The following NCOA7 variants were observed in gnomAD, a reference collection of about 807,000 sequenced individuals.
The protein encoded by NCOA7 is nuclear receptor coactivator 7, also known as 140 kDa estrogen receptor-associated protein.
Under a neutral mutation model 104.3 loss-of-function variants are expected in NCOA7, and 45 were observed. That is an observed-to-expected ratio of 0.43 (90% CI 0.34 to 0.55). NCOA7 has a LOEUF of 0.55. Ranked by LOEUF, NCOA7 falls within the 20% of genes least tolerant of loss-of-function variation. The pLI is 0.02. For missense variants in NCOA7, 1,041 were observed against 1,119.7 expected (o/e 0.93, Z 1.00); for synonymous variants, 398 against 402.3 (o/e 0.99, Z 0.13).
At chr6:125,805,838 T>A (rs563579336) in intron 1 of NCOA7, among the ~76,000 whole-genome samples, 1 of 152,352 alleles carries the variant, frequency 6.6e-6, no homozygotes, top group African/African-American at 2.4e-5. Context: ...AACACTTGCA[T>A]ATTTGGATGC....
chr6:125,921,968 TA>T (rs1261323032), intron 12 of NCOA7, among the ~76,000 whole-genome samples: 5 of 152,308 alleles, frequency 3.3e-5, no homozygotes, highest in South Asian at 4.1e-4. Flanking sequence ...AGACCTTAAA[TA>T]ATCATTAAGT....
At chr6:125,914,811 T>C (rs1274030911) in intron 10 of NCOA7, among the ~76,000 whole-genome samples, 2 of 152,230 alleles carry the variant, frequency 1.3e-5, no homozygotes, top group African/African-American at 4.8e-5. Context: ...CATTCCTGCG[T>C]CAATAAAATT....
chr6:125,867,058 AT>A (rs1175179358), intron 3 of NCOA7, among the ~76,000 whole-genome samples: 2 of 152,178 alleles, frequency 1.3e-5, no homozygotes, highest in Non-Finnish European at 2.9e-5. Context: ...TCAGTTAAGC[AT>A]TTTAATTTTA....
intron 1 of NCOA7, among the ~76,000 whole-genome samples, chr6:125,814,684 G>T (rs372072841): frequency 6.6e-6 from 1 of 152,148 alleles, no homozygotes; most frequent in African/African-American, 2.4e-5. Context: ...GCTGGCAAGC[G>T]TGGGTGAGGG....
intron 10 of NCOA7, among the ~76,000 whole-genome samples, chr6:125,899,021 C>T (rs992595143): frequency 1.4e-4 from 22 of 152,030 alleles, no homozygotes; most frequent in African/African-American, 5.3e-4. Flanking sequence ...ATAGATCATA[C>T]ATATATAGTA....
At chr6:125,806,202 A>G (rs955202225) in intron 1 of NCOA7, among the ~76,000 whole-genome samples, 8 of 152,146 alleles carry the variant, frequency 5.3e-5, no homozygotes, top group African/African-American at 1.9e-4. Context: ...TTAGCTGGGC[A>G]TGGTGGCAGG....
chr6:125,805,087 C>CTTTTTTGTTTT (rs1776310799), intron 1 of NCOA7, among the ~76,000 whole-genome samples: 1 of 58,050 alleles, frequency 1.7e-5, no homozygotes, highest in Non-Finnish European at 3.4e-5. Context: ...CCCTCTTGTT[C>CTTTTTTGTTTT]TTTTTTTTTT....
rs1788428164 is a variant in NCOA7 at position 125,930,870 on chromosome 6, A to G, written c.*2099A>G. 2.0e-5 allele frequency: 3 copies of G among 152,610 alleles called. No individual in the cohort carries two copies. In the South Asian group the frequency reaches 6.2e-4, roughly 32 times the overall value. 9.5% of individuals were successfully genotyped at this position (152,610 alleles called of 1,614,324 possible). ...TGATATCACGTTTACCATTTACACCATCTGCAACCATATGCTATTAATAAA... is the reference window on the plus strand; with the variant it reads ...TGATATCACGTTTACCATTTACACCGTCTGCAACCATATGCTATTAATAAA... On this transcript the variant is annotated 3_prime_UTR_variant, in exon 16 of 16. Coordinates refer to ENST00000392477, the MANE Select transcript of NCOA7 (RefSeq NM_181782.5).
At chr6:125,883,908 G>A (rs1020541327) in intron 7 of NCOA7, among the ~76,000 whole-genome samples, 3 of 151,752 alleles carry the variant, frequency 2.0e-5, no homozygotes, top group Admixed American at 6.6e-5. Context: ...TAGTAGAGAC[G>A]GGGTTTCACC....
chr6:125,914,491 T>C (rs968565229), intron 10 of NCOA7, among the ~76,000 whole-genome samples: 7 of 152,188 alleles, frequency 4.6e-5, no homozygotes, highest in Non-Finnish European at 1.0e-4. Context: ...TTAATATTAT[T>C]GCAATTTTAT....
chr6:125,911,762 G>A (rs561669242), intron 10 of NCOA7, among the ~76,000 whole-genome samples: 43 of 152,240 alleles, frequency 2.8e-4, no homozygotes, highest in Non-Finnish European at 5.7e-4. Context: ...TTCCATCTTC[G>A]CAATCAGATT....
Position 125,899,794 on chromosome 6 carries a change from C to T in NCOA7, c.2096+8984C>T, listed in dbSNP as rs1027384037. ...CCAAAAACACCCTCTTAGGCAACCA[C>T]CCCCCAGTAACTTCAGTAACCAGCT... On this transcript the variant is annotated intron_variant, in intron 10 of 15. Transcript: ENST00000392477. 3.6e-5 allele frequency: 8 copies of T among 223,650 alleles called. No homozygotes were observed. The East Asian group carries it at 7.8e-4, about 22-fold the overall frequency. The allele number at this position is 223,650 out of a possible 1,614,324, so 13.9% of individuals were successfully genotyped here.
chr6:125,815,289 AGGGTTAC>A lies in NCOA7; in HGVS notation c.-64_-58del. The A allele has an allele frequency of 8.3e-7, 1 of 1,198,536 alleles. No homozygotes were observed. Among genetic ancestry groups the A allele is most frequent in the Non-Finnish European group, 1.2e-6 (1 of 850,044 alleles). 74.2% of individuals were successfully genotyped at this position (1,198,536 alleles called of 1,614,324 possible). ...CAGTTGCTTTGTTATCTTTTCTTAC[AGGGTTAC>A]GACTCACTGATTAAAAAGAGGGACT... On this transcript the variant is annotated splice_acceptor_variant and 5_prime_UTR_variant, in exon 2 of 16. Transcript: ENST00000392477. LOFTEE classifies it low-confidence loss of function (5UTR_SPLICE).
At chr6:125,845,441 C>T (rs867086897) in intron 2 of NCOA7, among the ~76,000 whole-genome samples, 8 of 152,054 alleles carry the variant, frequency 5.3e-5, no homozygotes, top group Non-Finnish European at 1.0e-4. Flanking sequence ...ATATGCTTAC[C>T]GTACAAAAGA....
rs755177872 is a variant in NCOA7 at position 125,921,085 on chromosome 6, CA to C, written c.2370+18del. 29 of 1,609,850 alleles carry C rather than the reference CA, an allele frequency of 1.8e-5. No individual in the cohort carries two copies. In the Admixed American group the frequency reaches 4.8e-4, roughly 27 times the overall value. ...ATCGAGCAGGTGGGCTCGCCCTGGC[CA>C]CCAAGGGTGGGGGTTCCTAGGCTTT... On this transcript the variant is annotated intron_variant, in intron 12 of 15. Transcript: ENST00000392477.
Position 125,929,021 on chromosome 6 carries a change from C to T in NCOA7, c.*250C>T, listed in dbSNP as rs1193664322. ...TTTGTACTCCCACTTCCTCCAAATC[C>T]ATACAGTGAGGAATCAGAGTGTTTA... On this transcript the variant is annotated 3_prime_UTR_variant, in exon 16 of 16. Transcript: ENST00000392477. The T allele has an allele frequency of 8.1e-6, 3 of 372,034 alleles. No homozygotes were observed. Among genetic ancestry groups the T allele is most frequent in the Non-Finnish European group, 1.4e-5 (3 of 209,116 alleles). 23.0% of individuals were successfully genotyped at this position (372,034 alleles called of 1,614,324 possible).
At chr6:125,914,506 T>C (rs1358401896) in intron 10 of NCOA7, among the ~76,000 whole-genome samples, 2 of 152,234 alleles carry the variant, frequency 1.3e-5, no homozygotes, top group African/African-American at 2.4e-5. Flanking sequence ...TTTTATGTAA[T>C]TATAAATTTT....
intron 7 of NCOA7, among the ~76,000 whole-genome samples, chr6:125,883,686 T>G (rs1784029125): frequency 6.6e-6 from 1 of 151,144 alleles, no homozygotes; most frequent in African/African-American, 2.4e-5. Context: ...TCCCCCATCC[T>G]TCTCTTTCCC....
intron 2 of NCOA7, among the ~76,000 whole-genome samples, chr6:125,824,225 T>C (rs183859030): frequency 6.6e-6 from 1 of 152,314 alleles, no homozygotes. Context: ...ATCACAAGCA[T>C]GTTTCTGTTT....
Sources: gnomAD v4.1 joint callset for allele counts (sites outside exome capture counted in the v4.1 genomes callset) on GRCh38, gnomAD v4.1.1 for gene constraint, MANE v1.5 for transcripts, NCBI Gene and HGNC (gene_info 2026-07-23, HGNC 2026-07-21) for gene names.